The following SCARA3 variants were observed in gnomAD, a reference collection of about 807,000 sequenced individuals.
SCARA3 encodes the protein scavenger receptor class A member 3, also known as cellular stress response gene protein.
Under a neutral mutation model 47.0 loss-of-function variants are expected in SCARA3, and 39 were observed. The ratio of observed to expected loss-of-function variants is 0.83; its 90% confidence interval spans 0.64 to 1.08. SCARA3 has a LOEUF of 1.08. SCARA3 is among the 50% of genes least tolerant of loss of function. SCARA3 has a pLI of 0.00. For missense variants in SCARA3, 724 were observed against 792.3 expected, an observed-to-expected ratio of 0.91 and a Z score of 1.04; for synonymous variants, 356 against 334.1, an observed-to-expected ratio of 1.07 and a Z score of -0.71.
At chr8:27,724,887 G>A in the SCARA3 span, among the ~76,000 whole-genome samples, 1 of 152,192 alleles carries the variant, frequency 6.6e-6, no homozygotes, top group African/African-American at 2.4e-5. Context: ...TCAATAGGCA[G>A]ATTCCAACTA....
At position 27,659,355 on chromosome 8, in the gene SCARA3, G is replaced by A. The variant is rs766480009; in HGVS notation, c.1185G>A (p.Glu395=). The part of the protein sequence containing the change: ...CTLGFHTHAE[E]LYYLNKSVSI... The stretch of plus-strand genomic sequence containing the variant: ...TGGGCTTCCACACCCATGCCGAGGA[G>A]CTCTACTACCTGAACAAGTCTGTCT... The change falls in exon 5 of 6, where the codon GAG becomes GAA. Residue 395 remains glutamate (E), a synonymous_variant. Transcript: ENST00000301904. 3 of 1,614,124 alleles carry A rather than the reference G, an allele frequency of 1.9e-6. No individual in the cohort carries two copies. Among genetic ancestry groups the A allele is most frequent in the Non-Finnish European group, 2.5e-6 (3 of 1,180,016 alleles).
chr8:27,705,713 G>T, the SCARA3 span, among the ~76,000 whole-genome samples: 1 of 152,344 alleles, frequency 6.6e-6, no homozygotes, highest in East Asian at 1.9e-4. Context: ...TATTGTCCCT[G>T]CTCCAAAGGA....
intron 1 of SCARA3, among the ~76,000 whole-genome samples, chr8:27,648,963 A>G (rs1038012579): frequency 6.6e-6 from 1 of 152,074 alleles, no homozygotes; most frequent in Non-Finnish European, 1.5e-5. Context: ...AAAGTAGGGA[A>G]GGAAGGATGG....
the SCARA3 span, chr8:27,703,499 A>C: frequency 3.3e-5 from 5 of 152,336 alleles, no homozygotes; most frequent in Admixed American, 2.0e-4. Flanking sequence ...AAGGCAACAG[A>C]CTGCGGCTCC....
downstream of SCARA3, among the ~76,000 whole-genome samples, chr8:27,680,792 G>A (rs1802344219): frequency 6.6e-6 from 1 of 152,124 alleles, no homozygotes; most frequent in African/African-American, 2.4e-5. Context: ...AGAAGATAAT[G>A]TACCATGGCT....
At chr8:27,731,784 C>T in the SCARA3 span, among the ~76,000 whole-genome samples, 2 of 152,016 alleles carry the variant, frequency 1.3e-5, no homozygotes, top group South Asian at 2.1e-4. Context: ...ATGCAGAGTA[C>T]ATAAAATAAA....
intron 1 of SCARA3, among the ~76,000 whole-genome samples, chr8:27,637,187 C>T (rs1428311567): frequency 6.6e-6 from 1 of 152,246 alleles, no homozygotes; most frequent in Admixed American, 6.5e-5. Context: ...CAAGCCATTT[C>T]CACCCGAGGC....
chr8:27,719,259 C>T, the SCARA3 span, among the ~76,000 whole-genome samples: 2 of 152,222 alleles, frequency 1.3e-5, no homozygotes, highest in Admixed American at 1.3e-4. Context: ...GGCCATTATC[C>T]TTAGCAAACT....
chr8:27,712,912 C>G, the SCARA3 span, among the ~76,000 whole-genome samples: 1 of 151,802 alleles, frequency 6.6e-6, no homozygotes, highest in Non-Finnish European at 1.5e-5. Flanking sequence ...AAGTAAAGTA[C>G]AAAGTACTGT....
the SCARA3 span, among the ~76,000 whole-genome samples, chr8:27,717,491 A>C: frequency 2.6e-5 from 4 of 152,306 alleles, no homozygotes; most frequent in African/African-American, 9.6e-5. Flanking sequence ...TGTATTAACT[A>C]TTCAAAAAAT....
At chr8:27,705,458 A>C in the SCARA3 span, among the ~76,000 whole-genome samples, 1 of 152,254 alleles carries the variant, frequency 6.6e-6, no homozygotes, top group Non-Finnish European at 1.5e-5. Flanking sequence ...AAGCAAATGC[A>C]GCTCAAAAGA....
chr8:27,730,893 T>C, the SCARA3 span, among the ~76,000 whole-genome samples: 1 of 151,612 alleles, frequency 6.6e-6, no homozygotes, highest in East Asian at 2.0e-4. Context: ...GCACCATGAG[T>C]ACCTATGCCT....
chr8:27,683,331 A>G, the SCARA3 span, among the ~76,000 whole-genome samples: 2 of 152,172 alleles, frequency 1.3e-5, no homozygotes, highest in African/African-American at 2.4e-5. Context: ...GGTGAGAGAA[A>G]TGTTCTATAT....
chr8:27,685,476 T>C, the SCARA3 span, among the ~76,000 whole-genome samples: 3 of 152,308 alleles, frequency 2.0e-5, 1 homozygote, highest in Non-Finnish European at 4.4e-5. Flanking sequence ...AAAATCCTGT[T>C]ACCCAAAGCA....
At chr8:27,693,138 A>G in the SCARA3 span, among the ~76,000 whole-genome samples, 31 of 141,456 alleles carry the variant, frequency 2.2e-4, no homozygotes, top group South Asian at 6.5e-4. Flanking sequence ...AAAAAAAAAA[A>G]AAAGAAAAAG....
the SCARA3 span, among the ~76,000 whole-genome samples, chr8:27,689,831 A>G: frequency 6.6e-6 from 1 of 152,104 alleles, no homozygotes. Context: ...CATGAGCACA[A>G]CTTCCTTCTA....
chr8:27,686,960 G>A, the SCARA3 span, among the ~76,000 whole-genome samples: 51 of 143,192 alleles, frequency 3.6e-4, no homozygotes, highest in Admixed American at 3.2e-3. Context: ...CCCACCCCTC[G>A]ACAGGCCCCA....
At chr8:27,732,765 A>G in the SCARA3 span, among the ~76,000 whole-genome samples, 1 of 152,250 alleles carries the variant, frequency 6.6e-6, no homozygotes, top group African/African-American at 2.4e-5. Context: ...CTAGAAATGC[A>G]AACCAAATGT....
intron 5 of SCARA3, among the ~76,000 whole-genome samples, chr8:27,661,637 G>A (rs1297277493): frequency 2.0e-5 from 3 of 152,106 alleles, no homozygotes; most frequent in Non-Finnish European, 4.4e-5. Flanking sequence ...AACCATGACA[G>A]TCCTTGTTGC....
Sources: allele counts gnomAD v4.1 joint callset (sites outside exome capture counted in the v4.1 genomes callset), GRCh38; gene constraint gnomAD v4.1.1; transcripts MANE v1.5; gene names NCBI Gene and HGNC (gene_info 2026-07-23, HGNC 2026-07-21).